Variants in FAM117B observed in about 807,000 individuals in gnomAD.
The protein encoded by FAM117B is family with sequence similarity 117 member B, also known as protein FAM117B.
FAM117B carries 22 observed loss-of-function variants against 52.8 expected under a neutral mutation model. The observed-to-expected ratio is 0.42, with a 90% CI of 0.30 to 0.59. The LOEUF is 0.59. FAM117B is among the 20% of genes least tolerant of loss of function. The pLI is 0.22. For synonymous variants in FAM117B, 309 were observed against 324.1 expected (o/e 0.95, Z 0.50); for missense variants, 678 against 802.6 (o/e 0.84, Z 1.88).
chr2:202,679,010 G>A (rs896221700), intron 1 of FAM117B, among the ~76,000 whole-genome samples: 2 of 152,052 alleles, frequency 1.3e-5, no homozygotes, highest in Non-Finnish European at 2.9e-5. Flanking sequence ...CTCTCTATCT[G>A]CCTAAAATAA....
chr2:202,650,850 A>G (rs1320892620), intron 1 of FAM117B, among the ~76,000 whole-genome samples: 2 of 152,116 alleles, frequency 1.3e-5, no homozygotes, highest in African/African-American at 2.4e-5. Flanking sequence ...TTCTAGCCGC[A>G]CTGGCAGCTG....
chr2:202,751,306 A>G (rs1691717469), intron 4 of FAM117B, among the ~76,000 whole-genome samples: 1 of 152,162 alleles, frequency 6.6e-6, no homozygotes, highest in Non-Finnish European at 1.5e-5. Context: ...TTATTGTCTG[A>G]CCAGTACTTG....
rs111679586 is a variant in FAM117B, at chr2:202,765,920, C to T, written c.*156C>T. On this transcript the variant is annotated 3_prime_UTR_variant, in exon 8 of 8. Coordinates refer to ENST00000392238, the MANE Select transcript of FAM117B (RefSeq NM_173511.4). ...TTCTGGAAGAAAGGATCCCCCGTGA[C>T]GGCTCTGCCCCACTTGTGAACGCCA... 220 of 746,740 alleles carry T rather than the reference C, an allele frequency of 2.9e-4. No individual in the cohort carries two copies. In the African/African-American group the frequency reaches 3.2e-3, roughly 11 times the overall value. The allele number at this position is 746,740 out of a possible 1,614,324, so 46.3% of individuals were successfully genotyped here. A position where few individuals can be genotyped will look rare whatever the true frequency, so the allele number is the denominator to read the frequency against.
intron 5 of FAM117B, among the ~76,000 whole-genome samples, chr2:202,756,479 A>G (rs886165811): frequency 9.2e-5 from 14 of 152,174 alleles, no homozygotes; most frequent in African/African-American, 3.1e-4. Flanking sequence ...CATGCCACAG[A>G]GTATATTTAT....
intron 4 of FAM117B, among the ~76,000 whole-genome samples, chr2:202,752,426 T>TG (rs1362941601): frequency 6.6e-6 from 1 of 151,504 alleles, no homozygotes; most frequent in Non-Finnish European, 1.5e-5. Flanking sequence ...CTTTTTTTTT[T>TG]TTTTTTCCAG....
At chr2:202,689,877 C>T (rs1045188330) in intron 1 of FAM117B, among the ~76,000 whole-genome samples, 18 of 151,734 alleles carry the variant, frequency 1.2e-4, no homozygotes, top group Non-Finnish European at 2.1e-4. Flanking sequence ...CTGATCCCAC[C>T]GCTGCTGTGA....
intron 2 of FAM117B, among the ~76,000 whole-genome samples, chr2:202,701,552 A>G (rs1221101888): frequency 2.6e-5 from 4 of 152,246 alleles, no homozygotes; most frequent in Admixed American, 2.0e-4. Flanking sequence ...GGCAAAGTAA[A>G]TGGAAAAGCT....
At chr2:202,743,617 A>T (rs552841798) in intron 4 of FAM117B, among the ~76,000 whole-genome samples, 1 of 134,198 alleles carries the variant, frequency 7.5e-6, no homozygotes, top group Non-Finnish European at 1.7e-5. Flanking sequence ...AATGACATAC[A>T]AAAGAACACA....
chr2:202,757,135 G>C, intron 5 of FAM117B, 78 bp from the exon 6 acceptor site: 1 of 1,372,666 alleles, frequency 7.3e-7, no homozygotes, highest in East Asian at 2.5e-5. Flanking sequence ...CACTATATGG[G>C]AAGGTTGACA....
chr2:202,643,895 A>G (rs1328643713), intron 1 of FAM117B, among the ~76,000 whole-genome samples: 2 of 151,972 alleles, frequency 1.3e-5, no homozygotes, highest in African/African-American at 4.8e-5. Context: ...TTTTTAGTAG[A>G]GGCAGGGTTT....
chr2:202,692,689 G>A (rs975027963), intron 1 of FAM117B, among the ~76,000 whole-genome samples: 3 of 152,106 alleles, frequency 2.0e-5, no homozygotes, highest in South Asian at 2.1e-4. Context: ...GAAATTTTAC[G>A]TATCATCTTC....
At chr2:202,756,612 T>C (rs1691803668) in intron 5 of FAM117B, among the ~76,000 whole-genome samples, 1 of 151,988 alleles carries the variant, frequency 6.6e-6, no homozygotes, top group South Asian at 2.1e-4. Flanking sequence ...CCCCACACCC[T>C]CTCCTCCATC....
In FAM117B at chr2:202,757,407, G is replaced by A. The variant is rs757295927; in HGVS notation, c.1299G>A (p.Ala433=). The part of the protein sequence containing the change: ...NEGSEESPCS[A]DDLLVDPRDK... The stretch of plus-strand genomic sequence containing the variant: ...GTAGCGAGGAGAGTCCTTGCTCAGC[G>A]GATGACCTGCTTGTTGATCCCAGAG... The change falls in exon 6 of 8, where the codon GCG becomes GCA. Residue 433 remains alanine (A), a synonymous_variant. Coordinates refer to ENST00000392238, the MANE Select transcript of FAM117B (RefSeq NM_173511.4). 19 of 1,613,880 alleles carry A rather than the reference G, an allele frequency of 1.2e-5. No homozygotes were observed. Among genetic ancestry groups the A allele is most frequent in the African/African-American group, 2.7e-5 (2 of 74,866 alleles).
At position 202,635,447 on chromosome 2, in the gene FAM117B, C is replaced by T. The variant is rs1212580440; in HGVS notation, c.260C>T (p.Thr87Ile). The T allele has an allele frequency of 2.5e-6, 3 of 1,181,554 alleles. No individual in the cohort carries two copies. Among genetic ancestry groups the T allele is most frequent in the African/African-American group, 1.6e-5 (1 of 61,316 alleles). 73.2% of individuals were successfully genotyped at this position (1,181,554 alleles called of 1,614,324 possible). A position where few individuals can be genotyped will look rare whatever the true frequency, so the allele number is the denominator to read the frequency against. The change falls in exon 1 of 8, where the codon ACC becomes ATC. Residue 87 changes from threonine (T) to isoleucine (I), a missense_variant. Physicochemically the swap from Thr to Ile is moderately conservative, Grantham distance 89. Transcript: ENST00000392238. ...GGCGGCGGCGGCGGTGGCCCGCGCA[C>T]CGCCTCGCGCAGCACCAGCCCCACG... Reference protein sequence around the residue: ...AGGGGGGGPRTASRSTSPTRG... With the variant: ...AGGGGGGGPRIASRSTSPTRG...
At chr2:202,728,556 C>G (rs1691292789) in intron 4 of FAM117B, among the ~76,000 whole-genome samples, 1 of 152,236 alleles carries the variant, frequency 6.6e-6, no homozygotes, top group Middle Eastern at 3.4e-3. Context: ...GCCAACCTTC[C>G]CCTTCCTCTC....
Position 202,762,853 on chromosome 2 carries a change from C to T in FAM117B, c.1452-2593C>T, listed in dbSNP as rs370380249. On this transcript the variant is annotated intron_variant, in intron 7 of 7. Transcript: ENST00000392238. The stretch of plus-strand genomic sequence containing the variant: ...TGGTGTTAATGTTCTGTTTCTCGAT[C>T]TGATCAGTTAGACAAGTTATTACTG... Among the ~76,000 whole-genome samples, 6 of 151,762 alleles carry T rather than the reference C, an allele frequency of 4.0e-5. No homozygotes were observed. The East Asian group carries it at 1.2e-3, about 29-fold the overall frequency.
At chr2:202,660,489 A>G (rs945960496) in intron 1 of FAM117B, among the ~76,000 whole-genome samples, 1 of 152,072 alleles carries the variant, frequency 6.6e-6, no homozygotes, top group African/African-American at 2.4e-5. Context: ...GTCGGTATCT[A>G]TATCTTAATT....
rs188703060 is a variant in FAM117B at position 202,768,987 on chromosome 2, C to T, written c.*3223C>T. On this transcript the variant is annotated 3_prime_UTR_variant, in exon 8 of 8. Coordinates refer to ENST00000392238, the MANE Select transcript of FAM117B (RefSeq NM_173511.4). Reference sequence around the variant, plus strand: ...TCTATTACTTGTCATGGCTTTTGTACGCAACTGTGTTTTAAAAATACCGGT... The same window carrying T: ...TCTATTACTTGTCATGGCTTTTGTATGCAACTGTGTTTTAAAAATACCGGT... 7.0e-4 allele frequency: 107 copies of T among 151,936 alleles called. 1 individual carries two copies. Among genetic ancestry groups the T allele is most frequent in the African/African-American group, 2.5e-3 (103 of 41,462 alleles). 9.4% of individuals were successfully genotyped at this position (151,936 alleles called of 1,614,324 possible).
intron 2 of FAM117B, among the ~76,000 whole-genome samples, chr2:202,708,901 C>T (rs55691518): frequency 0.051 from 7,807 of 152,284 alleles, 246 homozygotes; most frequent in Middle Eastern, 0.092. Context: ...CCACTAGGCC[C>T]AGCCAATTTT....
Sources: allele counts gnomAD v4.1 joint callset (sites outside exome capture counted in the v4.1 genomes callset), GRCh38; gene constraint gnomAD v4.1.1; transcripts MANE v1.5; gene names NCBI Gene and HGNC (gene_info 2026-07-23, HGNC 2026-07-21).